The following KDM3B variants were observed in gnomAD, a reference collection of about 807,000 sequenced individuals.
The protein encoded by KDM3B is lysine demethylase 3B, also known as lysine-specific demethylase 3B.
A neutral mutation model predicts 170.0 loss-of-function variants in KDM3B; 10 were observed. That is an observed-to-expected ratio of 0.06 (90% confidence interval 0.04 to 0.10). The LOEUF is 0.10. KDM3B is among the 10% of genes least tolerant of loss of function. The pLI, the probability that KDM3B is intolerant of heterozygous loss-of-function variation, is 1.00. For missense variants in KDM3B, 1,394 were observed against 2,195.2 expected, an observed-to-expected ratio of 0.64 and a Z score of 7.29; for synonymous variants, 831 against 834.8, an observed-to-expected ratio of 1.00 and a Z score of 0.08.
chr5:138,396,051 A>G (rs1296678088), intron 9 of KDM3B, among the ~76,000 whole-genome samples: 2 of 152,164 alleles, frequency 1.3e-5, no homozygotes, highest in African/African-American at 4.8e-5. Flanking sequence ...GAATTGCCTG[A>G]TTGTAGGGAA....
In KDM3B at chr5:138,393,199, C is replaced by T. The variant is rs1454845486; in HGVS notation, c.2658C>T (p.Ser886=). Residue 886 remains serine, a synonymous_variant, in exon 9 of 24, where the codon AGC becomes AGT. Coordinates refer to ENST00000314358, the MANE Select transcript of KDM3B (RefSeq NM_016604.4). Reference sequence around the variant, plus strand: ...GCCAGTCAGTGCTGAAAGATGTAAGCAAAGTGAAGAAGCTGAAGCAATCTG... The same window carrying T: ...GCCAGTCAGTGCTGAAAGATGTAAGTAAAGTGAAGAAGCTGAAGCAATCTG... ...KVGQSVLKDV[S]KVKKLKQSGE... 1.2e-6 allele frequency: 2 copies of T among 1,614,030 alleles called. No individual in the cohort carries two copies. Among genetic ancestry groups the T allele is most frequent in the Non-Finnish European group, 1.7e-6 (2 of 1,180,050 alleles).
chr5:138,363,523 A>G (rs1761668837), intron 1 of KDM3B, among the ~76,000 whole-genome samples: 1 of 152,176 alleles, frequency 6.6e-6, no homozygotes. Flanking sequence ...TGCCTATTAT[A>G]CAAAGTGTAG....
At chr5:138,416,941 C>T (rs1254095329) in intron 12 of KDM3B, among the ~76,000 whole-genome samples, 1 of 152,180 alleles carries the variant, frequency 6.6e-6, no homozygotes, top group East Asian at 1.9e-4. Flanking sequence ...GTGCCTCAGC[C>T]TCCCAAGTAG....
Position 138,352,911 on chromosome 5 carries a change from G to A in KDM3B, c.116G>A (p.Gly39Glu), listed in dbSNP as rs1213573754. 6.6e-6 allele frequency: 9 copies of A among 1,364,384 alleles called. No individual in the cohort carries two copies. Among genetic ancestry groups the A allele is most frequent in the Non-Finnish European group, 8.5e-6 (9 of 1,057,574 alleles). 84.5% of individuals were successfully genotyped at this position (1,364,384 alleles called of 1,614,324 possible). A position where few individuals can be genotyped will look rare whatever the true frequency, so the allele number is the denominator to read the frequency against. ...PAAAAASGDP[G>E]PALRTRAWRA... is the part of the protein sequence containing the mutation. ...GCGGCAGCGGCGAGCGGAGATCCGG[G>A]GCCTGCGCTGCGCACTCGAGCCTGG... The change falls in exon 1 of 24, where the codon GGG (glycine) becomes GAG (glutamate). Residue 39 changes from glycine to glutamate, a missense_variant. By Grantham distance (98) the Gly-to-Glu change is moderately conservative. Transcript: ENST00000314358.
chr5:138,408,984 A>G (rs1379686652), intron 11 of KDM3B, among the ~76,000 whole-genome samples: 5 of 152,204 alleles, frequency 3.3e-5, no homozygotes, highest in Non-Finnish European at 4.4e-5. Flanking sequence ...TCTTGGGTGG[A>G]GAGCACAATG....
intron 3 of KDM3B, among the ~76,000 whole-genome samples, chr5:138,375,605 C>T (rs1324011538): frequency 6.6e-6 from 1 of 152,044 alleles, no homozygotes; most frequent in East Asian, 1.9e-4. Context: ...GTCTTGATCT[C>T]CTGACCTCGT....
At chr5:138,370,206 C>G (rs985192756) in intron 1 of KDM3B, among the ~76,000 whole-genome samples, 1 of 152,182 alleles carries the variant, frequency 6.6e-6, no homozygotes, top group Non-Finnish European at 1.5e-5. Flanking sequence ...AATCATGCTT[C>G]TCTCTGAGCC....
At chr5:138,428,598 TAAAGGGGGAGGTTCTAA>T (rs1295243385) in intron 20 of KDM3B, among the ~76,000 whole-genome samples, 1 of 152,170 alleles carries the variant, frequency 6.6e-6, no homozygotes, top group East Asian at 1.9e-4. Context: ...TGTTGCTAGA[TAAAGGGGGAGGTTCTAA>T]TAGAGAAGAG....
At chr5:138,387,741 T>C (rs1224252621) in intron 7 of KDM3B, among the ~76,000 whole-genome samples, 4 of 152,194 alleles carry the variant, frequency 2.6e-5, no homozygotes, top group African/African-American at 4.8e-5. Context: ...GAGGATCTTA[T>C]ATGGATTTCC....
Position 138,419,129 on chromosome 5 carries a change from A to C in KDM3B, c.3612A>C (p.Glu1204Asp), listed in dbSNP as rs1349857722. 1 of 1,614,198 alleles carries C rather than the reference A, an allele frequency of 6.2e-7. No homozygotes were observed. Residue 1204 changes from glutamate to aspartate, a missense_variant, in exon 14 of 24, where the codon GAA becomes GAC. This residue lies in a region of KDM3B where 87 missense variants were observed against 83.3 expected (regional missense o/e 1.04). Transcript: ENST00000314358. ...TDSSASNSNS[E>D]LKAIRPPCPD... ...GTTCGGCATCAAATAGCAATAGTGA[A>C]CTGAAAGCCATCAGGCCTCCTTGCC...
In KDM3B at chr5:138,385,958, A is replaced by G. The variant is rs1489985919; in HGVS notation, c.781-64A>G. 4 of 1,520,158 alleles carry G rather than the reference A, an allele frequency of 2.6e-6. No homozygotes were observed. The East Asian group carries it at 9.0e-5, about 34-fold the overall frequency. The allele number at this position is 1,520,158 out of a possible 1,614,324, so 94.2% of individuals were successfully genotyped here. ...CTGCTTCTAGAGATGGGAAAGAGCT[A>G]ATGGTGTGTGGTATTCACAGGATGA... On this transcript the variant is annotated intron_variant, in intron 6 of 23. Transcript: ENST00000314358.
rs1342972493 is a variant in KDM3B at position 138,380,330 on chromosome 5, TATATG to T, written c.705+627_705+631del. Reference sequence around the variant, plus strand: ...ATTTATTTATATGATATATATGAGTTATATGATATATAATTTATATGATATATATA... The same window carrying T: ...ATTTATTTATATGATATATATGAGTTATATATAATTTATATGATATATATA... On this transcript the variant is annotated intron_variant, in intron 5 of 23. Transcript: ENST00000314358. Among the ~76,000 whole-genome samples the T allele has an allele frequency of 3.4e-5, 5 of 148,836 alleles. No individual in the cohort carries two copies. In the East Asian group the frequency reaches 7.8e-4, roughly 23 times the overall value.
intron 11 of KDM3B, among the ~76,000 whole-genome samples, chr5:138,400,753 C>CAATT (rs35273961): frequency 0.7 from 105,636 of 151,232 alleles, 37,394 homozygotes; most frequent in South Asian, 0.86. Context: ...GTCTAAAAAT[C>CAATT]AATTAAAGTA....
rs1763654735 is a variant in KDM3B at position 138,435,654 on chromosome 5, C to T, written c.5240C>T (p.Ala1747Val). The T allele has an allele frequency of 1.9e-6, 3 of 1,613,750 alleles. No individual in the cohort carries two copies. The highest frequency in any genetic ancestry group is 2.5e-6 in the Non-Finnish European group (3 of 1,179,792). Reference protein sequence around the residue: ...KNIIYHAVKDAVGTLKAHESK... With the variant: ...KNIIYHAVKDVVGTLKAHESK... Reference sequence around the variant, plus strand: ...ATCATTTACCATGCAGTGAAAGATGCGGTTGGCACCCTCAAGGCTCATGAA... The same window carrying T: ...ATCATTTACCATGCAGTGAAAGATGTGGTTGGCACCCTCAAGGCTCATGAA... The change falls in exon 24 of 24, where the codon GCG (alanine) becomes GTG (valine). Residue 1747 changes from alanine to valine, a missense_variant. Transcript: ENST00000314358.
intron 1 of KDM3B, among the ~76,000 whole-genome samples, chr5:138,365,325 A>T (rs906976463): frequency 6.6e-6 from 1 of 152,000 alleles, no homozygotes; most frequent in African/African-American, 2.4e-5. Context: ...CGATGGGGTG[A>T]TCACTCACTG....
chr5:138,427,467 G>A, intron 19 of KDM3B, 148 bp downstream of exon 19: 1 of 873,082 alleles, frequency 1.1e-6, no homozygotes. Context: ...TCTTGAATAT[G>A]TTTGCTTTTG....
At chr5:138,370,858 G>A (rs1448276104) in intron 1 of KDM3B, among the ~76,000 whole-genome samples, 2 of 151,890 alleles carry the variant, frequency 1.3e-5, no homozygotes, top group Admixed American at 6.6e-5. Flanking sequence ...GCCCAGGCTG[G>A]AGTGCAGTGG....
At chr5:138,355,048 A>C (rs577989031) in intron 1 of KDM3B, among the ~76,000 whole-genome samples, 20 of 152,166 alleles carry the variant, frequency 1.3e-4, no homozygotes, top group Non-Finnish European at 2.8e-4. Flanking sequence ...GACCGTAGGC[A>C]TGTGGACCTT....
intron 1 of KDM3B, among the ~76,000 whole-genome samples, chr5:138,356,623 A>G (rs1580869792): frequency 7.7e-6 from 1 of 130,484 alleles, no homozygotes; most frequent in African/African-American, 2.9e-5. Context: ...ATTTTGTTTC[A>G]CTTGTCTCTT....
Sources: gnomAD v4.1 joint callset for allele counts (sites outside exome capture counted in the v4.1 genomes callset) on GRCh38, gnomAD v4.1.1 for gene constraint, gnomAD v4.1.1 regional missense constraint, MANE v1.5 for transcripts, NCBI Gene and HGNC (gene_info 2026-07-23, HGNC 2026-07-21) for gene names.